Variants in CELF2 observed in about 807,000 individuals in gnomAD.
CELF2 encodes the protein CUG triplet repeat RNA-binding protein 2.
In CELF2, 8 loss-of-function variants were observed where a neutral mutation model predicts 62.6. The observed-to-expected ratio is 0.13, with a 90% confidence interval of 0.07 to 0.23. The LOEUF is 0.23. Among genes scored for constraint, CELF2 ranks in the 10% least tolerant of loss-of-function variants. CELF2 has a pLI of 1.00. For missense variants in CELF2, 333 were observed against 671.0 expected (o/e 0.50, Z 5.56); for synonymous variants, 258 against 250.0 (o/e 1.03, Z -0.30).
intron 5 of CELF2, among the ~76,000 whole-genome samples, chr10:11,263,825 G>A (rs887420492): frequency 4.6e-5 from 7 of 152,166 alleles, no homozygotes; most frequent in African/African-American, 1.7e-4. Context: ...AGGACTTACC[G>A]TGACCTCCTG....
At chr10:10,840,009 T>C (rs1012866224) in intron 1 of CELF2, among the ~76,000 whole-genome samples, 1 of 152,244 alleles carries the variant, frequency 6.6e-6, no homozygotes, top group African/African-American at 2.4e-5. Context: ...TCACAGAGTT[T>C]TGTCTATGTA....
intron 1 of CELF2, among the ~76,000 whole-genome samples, chr10:10,903,718 C>T (rs980819929): frequency 1.3e-5 from 2 of 152,186 alleles, no homozygotes; most frequent in Admixed American, 1.3e-4. Flanking sequence ...GTACTAAACC[C>T]CCCATTTCCT....
At chr10:10,635,168 G>A in the CELF2 span, among the ~76,000 whole-genome samples, 3 of 152,150 alleles carry the variant, frequency 2.0e-5, no homozygotes, top group Admixed American at 6.5e-5. Context: ...CCTGGAAGCA[G>A]GGATGATTCA....
At chr10:11,283,863 TG>T (rs2089950041) in intron 8 of CELF2, among the ~76,000 whole-genome samples, 1 of 147,214 alleles carries the variant, frequency 6.8e-6, no homozygotes, top group Admixed American at 6.8e-5. Context: ...GAGTGTGTGG[TG>T]GGTGGATGAT....
chr10:10,844,037 A>G (rs912254768), intron 1 of CELF2, among the ~76,000 whole-genome samples: 3 of 151,812 alleles, frequency 2.0e-5, no homozygotes, highest in Admixed American at 2.0e-4. Context: ...AATCTGTCCT[A>G]CCTCGGGTGC....
chr10:11,310,296 C>T (rs1022971706), intron 9 of CELF2, among the ~76,000 whole-genome samples: 1 of 152,102 alleles, frequency 6.6e-6, no homozygotes, highest in African/African-American at 2.4e-5. Context: ...GAAGAGGTAG[C>T]CCCATCTTCT....
chr10:10,573,084 T>C, the CELF2 span, among the ~76,000 whole-genome samples: 1 of 152,188 alleles, frequency 6.6e-6, no homozygotes, highest in African/African-American at 2.4e-5. Flanking sequence ...TGGTTTTGAT[T>C]TGAATTTCTC....
At chr10:10,816,745 C>T (rs1013525434) in intron 1 of CELF2, among the ~76,000 whole-genome samples, 16 of 152,182 alleles carry the variant, frequency 1.1e-4, no homozygotes, top group Non-Finnish European at 2.2e-4. Flanking sequence ...CCATTAAATT[C>T]TCCACAGGTG....
the CELF2 span, among the ~76,000 whole-genome samples, chr10:10,672,974 G>A: frequency 6.6e-6 from 1 of 151,974 alleles, no homozygotes; most frequent in South Asian, 2.1e-4. Flanking sequence ...TCTTTCAACA[G>A]AGTTTTGTAG....
At chr10:10,481,243 G>A in the CELF2 span, among the ~76,000 whole-genome samples, 1 of 152,072 alleles carries the variant, frequency 6.6e-6, no homozygotes, top group Admixed American at 6.6e-5. Flanking sequence ...CTTTCTGTGT[G>A]CCATTTATTC....
the CELF2 span, among the ~76,000 whole-genome samples, chr10:10,679,401 C>T: frequency 2.0e-5 from 3 of 152,026 alleles, no homozygotes; most frequent in East Asian, 1.9e-4. Context: ...GCCATTCTCC[C>T]GCCTCAGCCT....
chr10:10,547,378 A>T, the CELF2 span, among the ~76,000 whole-genome samples: 3 of 152,182 alleles, frequency 2.0e-5, no homozygotes, highest in African/African-American at 7.2e-5. Flanking sequence ...AAACAACAGG[A>T]TTTTATTTCC....
chr10:10,505,611 AC>A, the CELF2 span, among the ~76,000 whole-genome samples: 50 of 151,024 alleles, frequency 3.3e-4, no homozygotes, highest in East Asian at 9.4e-3. Context: ...CTTTGACACC[AC>A]CCCCCTGGGG....
chr10:11,257,086 C>T (rs74115805), intron 4 of CELF2, among the ~76,000 whole-genome samples: 7,507 of 152,124 alleles, frequency 0.049, 642 homozygotes, highest in African/African-American at 0.17. Context: ...GGTGCGGGAC[C>T]TGGTTAGCAC....
chr10:11,275,901 G>A lies in CELF2; in HGVS notation c.841+781G>A, dbSNP rs149103240. Among the ~76,000 whole-genome samples the A allele has an allele frequency of 9.3e-3, 1,413 of 152,234 alleles. 16 individuals carry two copies. Among genetic ancestry groups the A allele is most frequent in the South Asian group, 0.016 (76 of 4,828 alleles). On this transcript the variant is annotated intron_variant, in intron 8 of 12. Coordinates refer to ENST00000633077, the MANE Select transcript of CELF2 (RefSeq NM_001326342.2). The stretch of plus-strand genomic sequence containing the variant: ...GAACACAGGTGCCCATTAACCTGCC[G>A]TGAGGAACGGTCAGAGAGCCTTTTC...
chr10:10,942,891 G>A (rs1023431088), intron 2 of CELF2, among the ~76,000 whole-genome samples: 3 of 152,174 alleles, frequency 2.0e-5, no homozygotes, highest in Non-Finnish European at 4.4e-5. Context: ...ATGATGATCA[G>A]ATTAACTATT....
At chr10:10,912,648 G>A (rs1245074458) in intron 1 of CELF2, among the ~76,000 whole-genome samples, 4 of 152,170 alleles carry the variant, frequency 2.6e-5, no homozygotes, top group South Asian at 2.1e-4. Context: ...GATTACAGGC[G>A]TGTGCCAGTG....
chr10:11,305,847 G>T lies in CELF2; in HGVS notation c.977-8292G>T, dbSNP rs1181266392. Among the ~76,000 whole-genome samples, 1 of 152,198 alleles carries T rather than the reference G, an allele frequency of 6.6e-6. No individual in the cohort carries two copies. Among genetic ancestry groups the T allele is most frequent in the Non-Finnish European group, 1.5e-5 (1 of 68,020 alleles). On this transcript the variant is annotated intron_variant, in intron 9 of 12. Coordinates refer to ENST00000633077, the MANE Select transcript of CELF2 (RefSeq NM_001326342.2). The surrounding 1 kb of genome is among the most constrained non-coding windows in gnomAD (Gnocchi z 4.8). ...GGCAAACAAGCAAAGAACTTCTGTGGCCAGGCCAAGGTGGGCATATCCTCA... is the reference window on the plus strand; with the variant it reads ...GGCAAACAAGCAAAGAACTTCTGTGTCCAGGCCAAGGTGGGCATATCCTCA...
upstream of CELF2, among the ~76,000 whole-genome samples, chr10:11,004,307 G>A (rs886914786): frequency 6.6e-5 from 10 of 152,134 alleles, no homozygotes; most frequent in African/African-American, 1.9e-4. This position sits in a 1 kb window ranked among gnomAD's most constrained non-coding sequence, Gnocchi z 5.0. Context: ...CAAGCTGAGC[G>A]CATTCTTGGC....
Sources: gnomAD v4.1 joint callset for allele counts (sites outside exome capture counted in the v4.1 genomes callset) on GRCh38, gnomAD v4.1.1 for gene constraint, Gnocchi (gnomAD v3.1) non-coding constraint, MANE v1.5 for transcripts, NCBI Gene and HGNC (gene_info 2026-07-23, HGNC 2026-07-21) for gene names.